Variants in PDE11A observed in about 807,000 individuals in gnomAD.
The protein encoded by PDE11A is dual 3',5'-cyclic-AMP and -GMP phosphodiesterase 11A.
In PDE11A, 100 loss-of-function variants were observed where a neutral mutation model predicts 100.5. That is an observed-to-expected ratio of 1.00 (90% CI 0.85 to 1.18). PDE11A has a LOEUF of 1.18. PDE11A is among the 50% of genes most tolerant of loss of function. The pLI, the probability that PDE11A is intolerant of heterozygous loss-of-function variation, is 0.00. For missense variants in PDE11A, 1,141 were observed against 1,152.6 expected, an observed-to-expected ratio of 0.99 and a Z score of 0.15; for synonymous variants, 381 against 420.8, an observed-to-expected ratio of 0.91 and a Z score of 1.16.
At chr2:177,654,642 G>A (rs1362210256) in intron 19 of PDE11A, among the ~76,000 whole-genome samples, 1 of 152,224 alleles carries the variant, frequency 6.6e-6, no homozygotes, top group Admixed American at 6.5e-5. Flanking sequence ...GTGTTTGGAT[G>A]TGGACAGTAG....
intron 2 of PDE11A, among the ~76,000 whole-genome samples, chr2:177,938,014 A>G (rs996597079): frequency 1.3e-5 from 2 of 152,166 alleles, no homozygotes; most frequent in African/African-American, 4.8e-5. Context: ...TTGACCTCCA[A>G]CCTCAGGGAT....
chr2:177,698,629 C>T (rs1460524016), intron 14 of PDE11A: 1 of 152,022 alleles, frequency 6.6e-6, no homozygotes, highest in African/African-American at 2.4e-5. Context: ...TCTTACCAGG[C>T]ACCAGATGAT....
chr2:177,930,247 A>G (rs1574287017), intron 2 of PDE11A, among the ~76,000 whole-genome samples: 1 of 152,232 alleles, frequency 6.6e-6, no homozygotes, highest in African/African-American at 2.4e-5. Context: ...TTTTACTTTT[A>G]AACAAGTTCC....
At chr2:177,749,488 AT>A (rs2081998928) in intron 10 of PDE11A, among the ~76,000 whole-genome samples, 1 of 152,106 alleles carries the variant, frequency 6.6e-6, no homozygotes, top group Non-Finnish European at 1.5e-5. Flanking sequence ...CAGGTTAAGT[AT>A]GTCCAAAGTT....
At chr2:177,793,126 A>T (rs886314646) in intron 9 of PDE11A, among the ~76,000 whole-genome samples, 3 of 152,202 alleles carry the variant, frequency 2.0e-5, no homozygotes, top group Non-Finnish European at 4.4e-5. Flanking sequence ...GGCAGAGGAG[A>T]CAGGAGAGCT....
rs1430761686 is a variant in PDE11A, at chr2:177,674,371, G to A, written c.2487+1084C>T. 7.9e-5 allele frequency among the ~76,000 whole-genome samples: 12 copies of A among 152,332 alleles called. No individual in the cohort carries two copies. In the East Asian group the frequency reaches 2.3e-3, roughly 29 times the overall value. On this transcript the variant is annotated intron_variant, in intron 17 of 19. Coordinates refer to ENST00000286063, the MANE Select transcript of PDE11A (RefSeq NM_016953.4). ...CATCAGTTCACTGGGCAGAAATTGA[G>A]GTGTCAGCAGGGATGTGCTCCCTCT...
chr2:177,765,378 C>G (rs897640604), intron 10 of PDE11A, among the ~76,000 whole-genome samples: 1 of 152,200 alleles, frequency 6.6e-6, no homozygotes, highest in African/African-American at 2.4e-5. Context: ...ACAAATGGTA[C>G]AAACTAAGAG....
rs1197400683 is a variant in PDE11A at position 177,759,748 on chromosome 2, A to G, written c.1788+9575T>C. Among the ~76,000 whole-genome samples the G allele has an allele frequency of 2.6e-5, 4 of 152,196 alleles. No homozygotes were observed. The East Asian group carries it at 7.7e-4, about 29-fold the overall frequency. ...TGTTTCCAATTTCCTTAGGTTCCCA[A>G]GTAATCTAAAACCCCAGGGCAAAAA... On this transcript the variant is annotated intron_variant, in intron 10 of 19. Coordinates refer to ENST00000286063, the MANE Select transcript of PDE11A (RefSeq NM_016953.4).
chr2:177,852,025 T>C (rs888898784), intron 5 of PDE11A, among the ~76,000 whole-genome samples: 4 of 152,190 alleles, frequency 2.6e-5, no homozygotes, highest in Admixed American at 6.5e-5. Flanking sequence ...CAGATGACTC[T>C]TCTCTGTATC....
At chr2:178,089,414 G>A (rs2087394824) in intron 2 of PDE11A, among the ~76,000 whole-genome samples, 1 of 152,220 alleles carries the variant, frequency 6.6e-6, no homozygotes, top group Non-Finnish European at 1.5e-5. Flanking sequence ...GGAGCAGGGT[G>A]TAAGCTCAGT....
intron 6 of PDE11A, among the ~76,000 whole-genome samples, chr2:177,824,175 G>C (rs2083191928): frequency 6.6e-6 from 1 of 152,026 alleles, no homozygotes; most frequent in African/African-American, 2.4e-5. Flanking sequence ...TTTCTGGCTT[G>C]AGTAAAGGTG....
At chr2:178,024,860 G>C (rs1186497317) in intron 1 of PDE11A, among the ~76,000 whole-genome samples, 1 of 152,120 alleles carries the variant, frequency 6.6e-6, no homozygotes, top group Admixed American at 6.5e-5. Context: ...TTATTTTCCA[G>C]AAAATGCTTG....
chr2:177,737,032 G>C (rs1305862537), intron 10 of PDE11A, among the ~76,000 whole-genome samples: 1 of 121,128 alleles, frequency 8.3e-6, no homozygotes, highest in Non-Finnish European at 1.8e-5. Context: ...CTTGAGGTCG[G>C]GAGTTCGAGA....
chr2:177,820,185 A>G, intron 7 of PDE11A, 35 bp downstream of exon 7: 2 of 1,094,152 alleles, frequency 1.8e-6, no homozygotes, highest in East Asian at 2.4e-5. Context: ...CTGTTTCTTT[A>G]TTCAAGAAGT....
intron 2 of PDE11A, among the ~76,000 whole-genome samples, chr2:178,011,426 A>G (rs188265973): frequency 7.2e-5 from 11 of 152,280 alleles, no homozygotes; most frequent in African/African-American, 2.6e-4. Context: ...TCTCTCATAT[A>G]GAAGACCAGT....
intron 9 of PDE11A, among the ~76,000 whole-genome samples, chr2:177,777,781 C>T (rs1231356320): frequency 2.6e-5 from 4 of 152,104 alleles, no homozygotes; most frequent in East Asian, 1.9e-4. Flanking sequence ...TTAATTTTTT[C>T]GACAGCTAAA....
At chr2:177,764,629 A>G (rs1219774601) in intron 10 of PDE11A, among the ~76,000 whole-genome samples, 1 of 152,212 alleles carries the variant, frequency 6.6e-6, no homozygotes, top group Non-Finnish European at 1.5e-5. Flanking sequence ...AGGAGATGTA[A>G]TTGTCAATGT....
chr2:177,816,746 T>G, intron 9 of PDE11A, 83 bp downstream of exon 9: 1 of 807,146 alleles, frequency 1.2e-6, no homozygotes, highest in Non-Finnish European at 2.2e-6. Context: ...ATTTGAGAAA[T>G]TAAGCCCCAT....
At chr2:177,951,250 A>G (rs2085501423) in intron 2 of PDE11A, among the ~76,000 whole-genome samples, 1 of 152,208 alleles carries the variant, frequency 6.6e-6, no homozygotes, top group South Asian at 2.1e-4. Flanking sequence ...CTGAACTACT[A>G]ATTTCAACTT....
Sources: gnomAD v4.1 joint callset for allele counts (sites outside exome capture counted in the v4.1 genomes callset) on GRCh38, gnomAD v4.1.1 for gene constraint, MANE v1.5 for transcripts, NCBI Gene and HGNC (gene_info 2026-07-23, HGNC 2026-07-21) for gene names.